The following ANO4 variants were observed in gnomAD, a reference collection of about 807,000 sequenced individuals.
ANO4 encodes anoctamin 4.
Under a neutral mutation model 141.9 loss-of-function variants are expected in ANO4, and 69 were observed. The observed-to-expected ratio is 0.49, with a 90% CI of 0.40 to 0.59. ANO4 has a LOEUF of 0.59. Among genes scored for constraint, ANO4 ranks in the 20% least tolerant of loss-of-function variants. The pLI is 0.00. For missense variants in ANO4, 894 were observed against 1,162.2 expected, an observed-to-expected ratio of 0.77 and a Z score of 3.36; for synonymous variants, 350 against 394.3, an observed-to-expected ratio of 0.89 and a Z score of 1.33.
chr12:100,920,936 G>A (rs920663406), intron 2 of ANO4, among the ~76,000 whole-genome samples: 8 of 152,124 alleles, frequency 5.3e-5, no homozygotes, highest in African/African-American at 1.9e-4. Context: ...CCTAGTGGCT[G>A]CTCTGTGAGT....
chr12:100,939,175 G>A (rs1305944329), intron 3 of ANO4, 140 bp from the exon 4 acceptor site: 14 of 843,388 alleles, frequency 1.7e-5, no homozygotes, highest in Non-Finnish European at 2.3e-5. Flanking sequence ...TTTTCTTTTA[G>A]GAAATAATAT....
At chr12:100,929,686 C>A (rs558597250) in intron 3 of ANO4, among the ~76,000 whole-genome samples, 1 of 152,188 alleles carries the variant, frequency 6.6e-6, no homozygotes, top group South Asian at 2.1e-4. Context: ...CAGGAACCTC[C>A]AAACTGTCCT....
intron 2 of ANO4, among the ~76,000 whole-genome samples, chr12:100,914,687 A>G (rs890703814): frequency 3.3e-5 from 5 of 152,276 alleles, no homozygotes; most frequent in East Asian, 3.9e-4. Context: ...ATGTAAATCT[A>G]TGGTTTCCAA....
At chr12:101,045,084 A>G (rs2047568421) in intron 13 of ANO4, among the ~76,000 whole-genome samples, 1 of 152,144 alleles carries the variant, frequency 6.6e-6, no homozygotes, top group Admixed American at 6.5e-5. Flanking sequence ...ATCGTCATGA[A>G]TAGTTTATGA....
intron 22 of ANO4, among the ~76,000 whole-genome samples, chr12:101,103,711 G>A (rs1011978071): frequency 6.6e-6 from 1 of 151,618 alleles, no homozygotes. Context: ...TTCTTGTAAC[G>A]TTTCATTTAG....
intron 2 of ANO4, among the ~76,000 whole-genome samples, chr12:100,921,830 A>G (rs1424387238): frequency 6.6e-6 from 1 of 152,164 alleles, no homozygotes; most frequent in Non-Finnish European, 1.5e-5. Context: ...ATGAATTATT[A>G]TAAGAAGAAG....
rs2064640510 is a variant in ANO4, at chr12:100,739,172, G to A, written c.107-682G>A. On this transcript the variant is annotated intron_variant, in intron 2 of 29. Coordinates refer to the ANO4 transcript ENST00000644049. ...TATATATATATAAAAGTTTATATAT[G>A]TAAAAATTTTGTGTATAAGTGAGAT... is the stretch of plus-strand genomic sequence containing the variant. Among the ~76,000 whole-genome samples the A allele has an allele frequency of 2.0e-5, 3 of 149,112 alleles. No homozygotes were observed. In the Admixed American group the frequency reaches 2.0e-4, roughly 10 times the overall value.
At chr12:101,098,045 C>A in intron 21 of ANO4, 100 bp downstream of exon 21, 3 of 1,021,330 alleles carry the variant, frequency 2.9e-6, no homozygotes, top group Non-Finnish European at 4.5e-6. Context: ...AGCAGTTAAG[C>A]CAGTGCGTGC....
chr12:100,807,731 G>T (rs185433196), intron 1 of ANO4, among the ~76,000 whole-genome samples: 38 of 152,208 alleles, frequency 2.5e-4, no homozygotes, highest in Admixed American at 4.6e-4. Context: ...ACAGGCCCCA[G>T]TGTGTGTTGT....
intron 10 of ANO4, among the ~76,000 whole-genome samples, chr12:101,037,431 A>G (rs184091736): frequency 6.6e-6 from 1 of 152,358 alleles, no homozygotes; most frequent in Admixed American, 6.5e-5. Context: ...AAAATTAAAA[A>G]GGCATTGACA....
At chr12:100,765,842 A>G (rs1011841766) in intron 3 of ANO4, among the ~76,000 whole-genome samples, 2 of 150,162 alleles carry the variant, frequency 1.3e-5, no homozygotes, top group African/African-American at 5.0e-5. Flanking sequence ...AAGCTAATAG[A>G]TATATTATTC....
At chr12:101,080,883 T>TATATATATATATATCA (rs1491584060) in intron 15 of ANO4, among the ~76,000 whole-genome samples, 1 of 74,072 alleles carries the variant, frequency 1.4e-5, no homozygotes, top group African/African-American at 3.9e-5. Flanking sequence ...TATATATATA[T>TATATATATATATATCA]TATATATATA....
At chr12:101,066,632 A>G in intron 14 of ANO4, 1 of 547,062 alleles carries the variant, frequency 1.8e-6, no homozygotes, top group Non-Finnish European at 3.3e-6. Flanking sequence ...CCCTGCTGGG[A>G]GAGTATCCAT....
chr12:100,723,575 T>C (rs1336446573), intron 1 of ANO4, among the ~76,000 whole-genome samples: 1 of 152,154 alleles, frequency 6.6e-6, no homozygotes, highest in Admixed American at 6.5e-5. Context: ...ATTAACTTTT[T>C]TCGTAAACCT....
At chr12:101,061,507 T>C (rs1281707483) in intron 14 of ANO4, among the ~76,000 whole-genome samples, 1 of 152,088 alleles carries the variant, frequency 6.6e-6, no homozygotes, top group Non-Finnish European at 1.5e-5. Context: ...CCCCATCACT[T>C]TCAGGTACAC....
At chr12:100,809,634 A>G (rs770313392) in intron 1 of ANO4, among the ~76,000 whole-genome samples, 30 of 152,312 alleles carry the variant, frequency 2.0e-4, no homozygotes, top group Non-Finnish European at 1.8e-4. Flanking sequence ...TATTCAGTCT[A>G]TGGGGCTTAG....
chr12:100,989,504 T>G (rs982011566), intron 8 of ANO4, among the ~76,000 whole-genome samples: 1 of 152,032 alleles, frequency 6.6e-6, no homozygotes, highest in Non-Finnish European at 1.5e-5. Flanking sequence ...ATCACCAATT[T>G]TGGATGATGG....
chr12:101,098,779 T>C (rs1850602547), intron 21 of ANO4, among the ~76,000 whole-genome samples: 1 of 152,244 alleles, frequency 6.6e-6, no homozygotes, highest in African/African-American at 2.4e-5. Context: ...AATTATATTT[T>C]ATCTTCTGAT....
chr12:101,100,001 C>T lies in ANO4; in HGVS notation c.2149+281C>T, dbSNP rs149849819. On this transcript the variant is annotated intron_variant, in intron 22 of 27. Transcript: ENST00000392977. ...AAATCCCAGCCCTATCATTTATTAACGGTGAAACTTTGGGCAATTACTTAA... is the reference window on the plus strand; with the variant it reads ...AAATCCCAGCCCTATCATTTATTAATGGTGAAACTTTGGGCAATTACTTAA... Among the ~76,000 whole-genome samples, 10 of 152,236 alleles carry T rather than the reference C, an allele frequency of 6.6e-5. No individual in the cohort carries two copies. The East Asian group carries it at 9.7e-4, about 15-fold the overall frequency.
Sources: allele counts gnomAD v4.1 joint callset (sites outside exome capture counted in the v4.1 genomes callset), GRCh38; gene constraint gnomAD v4.1.1; transcripts MANE v1.5; gene names NCBI Gene and HGNC (gene_info 2026-07-23, HGNC 2026-07-21).